POLB: variants seen among roughly 807,000 people sequenced by gnomAD.
The protein encoded by POLB is DNA polymerase beta.
In POLB, 37 loss-of-function variants were observed where a neutral mutation model predicts 52.7. The ratio of observed to expected loss-of-function variants is 0.70; its 90% CI spans 0.54 to 0.92. The LOEUF is 0.92. Ranked by LOEUF, POLB falls within the 40% of genes least tolerant of loss-of-function variation. The pLI is 0.00. For synonymous variants in POLB, 138 were observed against 131.3 expected (o/e 1.05, Z -0.35); for missense variants, 313 against 400.8 (o/e 0.78, Z 1.87).
In POLB at chr8:42,355,527, A is replaced by C. The variant is rs1161954985; in HGVS notation, c.382A>C (p.Asn128His). 6.3e-7 allele frequency: 1 copy of C among 1,579,468 alleles called. No individual in the cohort carries two copies. Among genetic ancestry groups the C allele is most frequent in the East Asian group, 2.2e-5 (1 of 44,704 alleles). ...GIKTLEDLRK[N>H]EDKLNHHQRI... Reference sequence around the variant, plus strand: ...TATCTTCTATACAGATCTCAGAAAAAATGAAGATAAATTGAACCATCATCA... The same window carrying C: ...TATCTTCTATACAGATCTCAGAAAACATGAAGATAAATTGAACCATCATCA... Residue 128 changes from asparagine (N) to histidine (H), a missense_variant, in exon 7 of 14, where the codon AAT (asparagine) becomes CAT (histidine). By Grantham distance (68) the Asn-to-His change is moderately conservative. Coordinates refer to ENST00000265421, the MANE Select transcript of POLB (RefSeq NM_002690.3).
At chr8:42,366,194 T>C (rs1366533527) in intron 11 of POLB, among the ~76,000 whole-genome samples, 2 of 151,920 alleles carry the variant, frequency 1.3e-5, no homozygotes, top group Non-Finnish European at 2.9e-5. Flanking sequence ...ATCTTGTTGA[T>C]AGTGTTGGAC....
chr8:42,369,141 CTAAGT>C lies in POLB; in HGVS notation c.709-126_709-122del, dbSNP rs1222600383. ...GATAGTGTATTGCTCACAGAAGCTG[CTAAGT>C]TAAAAGTGCTCAGAATTCTAGAGCT... On this transcript the variant is annotated intron_variant, in intron 11 of 13. Coordinates refer to ENST00000265421, the MANE Select transcript of POLB (RefSeq NM_002690.3). 5 of 582,536 alleles carry C rather than the reference CTAAGT, an allele frequency of 8.6e-6. No homozygotes were observed. The East Asian group carries it at 8.7e-5, about 10-fold the overall frequency. The allele number at this position is 582,536 out of a possible 1,614,324, so 36.1% of individuals were successfully genotyped here. A position where few individuals can be genotyped will look rare whatever the true frequency, so the allele number is the denominator to read the frequency against.
intron 3 of POLB, among the ~76,000 whole-genome samples, chr8:42,347,454 G>GA (rs1822705508): frequency 6.7e-6 from 1 of 149,498 alleles, no homozygotes; most frequent in African/African-American, 2.5e-5. Flanking sequence ...AATTATTCTA[G>GA]ATTATCTAAT....
At chr8:42,343,899 G>A (rs981777312) in intron 2 of POLB, among the ~76,000 whole-genome samples, 5 of 151,964 alleles carry the variant, frequency 3.3e-5, no homozygotes, top group African/African-American at 1.2e-4. Context: ...TGGAGGCCAA[G>A]GTGGGCAGAT....
intron 2 of POLB, among the ~76,000 whole-genome samples, chr8:42,340,973 C>T (rs1822165606): frequency 6.6e-6 from 1 of 152,150 alleles, no homozygotes; most frequent in Non-Finnish European, 1.5e-5. Context: ...GGCCAGCAGT[C>T]TAGACAAATA....
intron 6 of POLB, among the ~76,000 whole-genome samples, chr8:42,354,257 G>A (rs1381597337): frequency 6.6e-6 from 1 of 152,110 alleles, no homozygotes; most frequent in Non-Finnish European, 1.5e-5. Context: ...CGTTTTCTGT[G>A]TGCACATAAC....
chr8:42,363,165 T>G (rs1823819774), intron 11 of POLB, among the ~76,000 whole-genome samples: 1 of 151,674 alleles, frequency 6.6e-6, no homozygotes, highest in African/African-American at 2.4e-5. Context: ...GATGCCTGAT[T>G]CTCATAGCTA....
At chr8:42,338,820 C>T (rs1585858217) in intron 1 of POLB, 135 bp downstream of exon 1, 2 of 1,004,974 alleles carry the variant, frequency 2.0e-6, no homozygotes, top group South Asian at 2.8e-5. Flanking sequence ...TGGGGATCTC[C>T]CTCCGGCGCC....
chr8:42,369,287 C>G lies in POLB; in HGVS notation c.725C>G (p.Pro242Arg), dbSNP rs3136797. ...TCATTTTAGGGTGTTTGCCAGCTTC[C>G]CAGTAAAAATGATGAAAAAGAATAT... ...ETKFMGVCQL[P>R]SKNDEKEYPH... is the part of the protein sequence containing the mutation. Residue 242 changes from proline to arginine, a missense_variant, in exon 12 of 14, where the codon CCC becomes CGC. Transcript: ENST00000265421. 0.015 allele frequency: 23,959 copies of G among 1,581,432 alleles called. 256 individuals carry two copies. The highest frequency in any genetic ancestry group is 0.019 in the Non-Finnish European group (21,479 of 1,152,118).
At position 42,369,932 on chromosome 8, in the gene POLB, C is replaced by T; in HGVS notation, c.857C>T (p.Ala286Val). Reference sequence around the variant, plus strand: ...TTCAATAAGAATATGAGGGCTCATGCCCTAGAAAAGGGTTTCACAATCAAT... The same window carrying T: ...TTCAATAAGAATATGAGGGCTCATGTCCTAGAAAAGGGTTTCACAATCAAT... ...DIFNKNMRAH[A>V]LEKGFTINEY... The change falls in exon 13 of 14, where the codon GCC (alanine) becomes GTC (valine). Residue 286 changes from alanine to valine, a missense_variant. By Grantham distance (64) the Ala-to-Val change is moderately conservative. Coordinates refer to ENST00000265421, the MANE Select transcript of POLB (RefSeq NM_002690.3). 6.2e-7 allele frequency: 1 copy of T among 1,608,090 alleles called. No homozygotes were observed. Among genetic ancestry groups the T allele is most frequent in the Non-Finnish European group, 8.5e-7 (1 of 1,174,746 alleles).
chr8:42,350,048 T>G lies in POLB; in HGVS notation c.303T>G (p.Thr101=), dbSNP rs1265902735. The G allele has an allele frequency of 6.2e-7, 1 of 1,604,578 alleles. No homozygotes were observed. The highest frequency in any genetic ancestry group is 1.3e-5 in the African/African-American group (1 of 74,696). ...CGAGTTCATCCATCAATTTCCTGAC[T>G]CGAGTTAGTGGCATTGGGTAAGAAC... ...DDTSSSINFL[T]RVSGIGPSAA... Residue 101 remains threonine, a synonymous_variant, in exon 5 of 14, where the codon ACT becomes ACG. Transcript: ENST00000265421.
intron 6 of POLB, 31 bp downstream of exon 6, chr8:42,352,599 A>G: frequency 2.2e-6 from 3 of 1,336,736 alleles, no homozygotes; most frequent in East Asian, 2.3e-5. Flanking sequence ...CTAATTCCAG[A>G]TTAAATATGG....
Position 42,341,937 on chromosome 8 carries a change from T to C in POLB, c.119+2868T>C, listed in dbSNP as rs901570324. 1.3e-5 allele frequency: 9 copies of C among 682,676 alleles called. No homozygotes were observed. In the African/African-American group the frequency reaches 1.6e-4, roughly 12 times the overall value. 42.3% of individuals were successfully genotyped at this position (682,676 alleles called of 1,614,324 possible). A position where few individuals can be genotyped will look rare whatever the true frequency, so the allele number is the denominator to read the frequency against. On this transcript the variant is annotated intron_variant, in intron 2 of 13. Coordinates refer to ENST00000265421, the MANE Select transcript of POLB (RefSeq NM_002690.3). ...TCTCCTATAGCAGCATGAGCTTTCA[T>C]CTCCTTCATCATGTCTGAAGTTATG...
rs533477938 is a variant in POLB at position 42,340,414 on chromosome 8, T to G, written c.119+1345T>G. On this transcript the variant is annotated intron_variant, in intron 2 of 13. Transcript: ENST00000265421. ...ACCTTCAGGGTATGTGCGTAAGGTGTGTGAGAAATATGACTGAATTTTGTA... is the reference window on the plus strand; with the variant it reads ...ACCTTCAGGGTATGTGCGTAAGGTGGGTGAGAAATATGACTGAATTTTGTA... Among the ~76,000 whole-genome samples, 3 of 152,346 alleles carry G rather than the reference T, an allele frequency of 2.0e-5. No individual in the cohort carries two copies. In the South Asian group the frequency reaches 6.2e-4, roughly 32 times the overall value.
intron 3 of POLB, among the ~76,000 whole-genome samples, chr8:42,347,352 G>T (rs1368085564): frequency 1.7e-5 from 2 of 118,968 alleles, no homozygotes; most frequent in Non-Finnish European, 3.6e-5. Flanking sequence ...AATTATTCTA[G>T]AATTACTCCT....
chr8:42,345,128 A>C (rs563686679), intron 3 of POLB, 109 bp downstream of exon 3: 3 of 655,340 alleles, frequency 4.6e-6, no homozygotes, highest in Non-Finnish European at 8.4e-6. Context: ...ACACAGGCTG[A>C]TTTCACTACT....
At position 42,350,348 on chromosome 8, in the gene POLB, G is replaced by A. The variant is rs147741528; in HGVS notation, c.320+283G>A. The stretch of plus-strand genomic sequence containing the variant: ...TCTGAACTCCACTACCATTTCCTCC[G>A]TGTGCATCTATTTCCTGCTCCAGCT... On this transcript the variant is annotated intron_variant, in intron 5 of 13. Coordinates refer to ENST00000265421, the MANE Select transcript of POLB (RefSeq NM_002690.3). Among the ~76,000 whole-genome samples, 92 of 152,064 alleles carry A rather than the reference G, an allele frequency of 6.1e-4. 1 individual carries two copies. The South Asian group carries it at 0.013, about 22-fold the overall frequency.
At chr8:42,357,103 C>G in intron 7 of POLB, 66 bp from the exon 8 acceptor site, 5 of 833,636 alleles carry the variant, frequency 6.0e-6, no homozygotes, top group Non-Finnish European at 8.1e-6. Flanking sequence ...TTATAAAAGG[C>G]AATTTAATTT....
chr8:42,342,603 G>T, intron 2 of POLB: 2 of 688,654 alleles, frequency 2.9e-6, no homozygotes, highest in Non-Finnish European at 5.2e-6. Context: ...CTTAAAGTAG[G>T]CCTTATTCTT....
Sources: gnomAD v4.1 joint callset for allele counts (sites outside exome capture counted in the v4.1 genomes callset) on GRCh38, gnomAD v4.1.1 for gene constraint, MANE v1.5 for transcripts, NCBI Gene and HGNC (gene_info 2026-07-23, HGNC 2026-07-21) for gene names.